RBPMS: variants seen among roughly 807,000 people sequenced by gnomAD.
RBPMS encodes the protein RNA-binding protein with multiple splicing.
In RBPMS, 7 loss-of-function variants were observed where a neutral mutation model predicts 26.8. The ratio of observed to expected loss-of-function variants is 0.26; its 90% confidence interval spans 0.15 to 0.49. RBPMS has a LOEUF of 0.49. Ranked by LOEUF, RBPMS falls within the 20% of genes least tolerant of loss-of-function variation. RBPMS has a pLI of 0.98. For synonymous variants in RBPMS, 96 were observed against 93.3 expected (o/e 1.03, Z -0.17); for missense variants, 186 against 250.0 (o/e 0.74, Z 1.73).
chr8:30,420,942 G>A (rs1022856739), intron 1 of RBPMS, among the ~76,000 whole-genome samples: 5 of 152,174 alleles, frequency 3.3e-5, no homozygotes, highest in Non-Finnish European at 7.3e-5. Context: ...TCAATTGACA[G>A]GCTAGTTAGT....
chr8:30,432,406 G>A (rs1259399685), intron 1 of RBPMS, among the ~76,000 whole-genome samples: 1 of 152,130 alleles, frequency 6.6e-6, no homozygotes, highest in Non-Finnish European at 1.5e-5. Context: ...TTGTGATCTG[G>A]TGCTGACACA....
chr8:30,490,387 C>T lies in RBPMS; in HGVS notation c.246+11010C>T, dbSNP rs558828370. 1.3e-3 allele frequency among the ~76,000 whole-genome samples: 201 copies of T among 152,308 alleles called. 2 individuals are homozygous for T. The highest frequency in any genetic ancestry group is 0.012 in the South Asian group (59 of 4,812). On this transcript the variant is annotated intron_variant, in intron 4 of 8. Transcript: ENST00000397323. ...TCTAATTGAATCTCTGTTTCGAAGA[C>T]CCAACATCCATTGATTATAATGTTT... is the stretch of plus-strand genomic sequence containing the variant.
At chr8:30,531,341 C>T (rs2979509) in intron 5 of RBPMS, among the ~76,000 whole-genome samples, 152,038 of 152,296 alleles carry the variant, frequency 1, 75,890 homozygotes, top group Non-Finnish European at 1. Context: ...CATGCCAGAG[C>T]CAACCAGCCT....
At chr8:30,518,637 A>G (rs1170333503) in intron 5 of RBPMS, among the ~76,000 whole-genome samples, 2 of 131,646 alleles carry the variant, frequency 1.5e-5, no homozygotes, top group African/African-American at 5.7e-5. Flanking sequence ...CATGTTGGCC[A>G]GGCTGGTCTT....
At chr8:30,537,116 ATAG>A (rs1487004151) in intron 5 of RBPMS, among the ~76,000 whole-genome samples, 1 of 152,184 alleles carries the variant, frequency 6.6e-6, no homozygotes, top group Non-Finnish European at 1.5e-5. Context: ...AGAGTAGGTA[ATAG>A]TAGTGGCTTA....
intron 1 of RBPMS, among the ~76,000 whole-genome samples, chr8:30,447,153 A>C (rs971260868): frequency 2.6e-5 from 4 of 152,168 alleles, no homozygotes; most frequent in Admixed American, 2.6e-4. Flanking sequence ...TGAGTATCCA[A>C]AATAATGCTC....
intron 4 of RBPMS, among the ~76,000 whole-genome samples, chr8:30,499,145 C>T (rs559783792): frequency 5.9e-5 from 9 of 152,150 alleles, no homozygotes; most frequent in African/African-American, 1.9e-4. Flanking sequence ...GCAATGAAGG[C>T]AATCCCAGCT....
At chr8:30,531,894 T>C (rs901211956) in intron 5 of RBPMS, among the ~76,000 whole-genome samples, 37 of 152,190 alleles carry the variant, frequency 2.4e-4, no homozygotes, top group African/African-American at 8.2e-4. Context: ...GGCAGGTTCA[T>C]TGCAGCCGGT....
At chr8:30,433,992 T>A (rs1812189929) in intron 1 of RBPMS, among the ~76,000 whole-genome samples, 1 of 152,142 alleles carries the variant, frequency 6.6e-6, no homozygotes, top group South Asian at 2.1e-4. Flanking sequence ...TACATTTCAT[T>A]TGTAGTTTAA....
At chr8:30,412,128 T>C (rs367718136) in intron 1 of RBPMS, among the ~76,000 whole-genome samples, 4 of 152,248 alleles carry the variant, frequency 2.6e-5, no homozygotes, top group African/African-American at 4.8e-5. Context: ...TAGGAAGGGC[T>C]GCCAGCTCCT....
At chr8:30,423,463 C>A (rs1811020012) in intron 1 of RBPMS, among the ~76,000 whole-genome samples, 1 of 152,154 alleles carries the variant, frequency 6.6e-6, no homozygotes, top group African/African-American at 2.4e-5. Flanking sequence ...CTGGCAAATC[C>A]TGAGTTAGGC....
intron 4 of RBPMS, among the ~76,000 whole-genome samples, chr8:30,482,220 T>C (rs1006756747): frequency 9.9e-5 from 15 of 152,258 alleles, no homozygotes; most frequent in Admixed American, 5.2e-4. Flanking sequence ...AAACATATGA[T>C]GCTTGTAGCC....
intron 1 of RBPMS, among the ~76,000 whole-genome samples, chr8:30,431,750 C>T (rs945691718): frequency 1.3e-5 from 2 of 152,112 alleles, no homozygotes; most frequent in South Asian, 4.2e-4. Flanking sequence ...CCGCGCCCAG[C>T]CCTCTCTTTC....
At chr8:30,422,053 G>A (rs1381713065) in intron 1 of RBPMS, among the ~76,000 whole-genome samples, 1 of 151,946 alleles carries the variant, frequency 6.6e-6, no homozygotes, top group African/African-American at 2.4e-5. Flanking sequence ...AAAAGCAGTA[G>A]GGGGCTGGGA....
chr8:30,429,856 G>A (rs1197594182), intron 1 of RBPMS, among the ~76,000 whole-genome samples: 1 of 152,188 alleles, frequency 6.6e-6, no homozygotes, highest in Non-Finnish European at 1.5e-5. Context: ...GAGGGAGAAT[G>A]TTTTAGAAGA....
At chr8:30,560,362 A>C (rs1030432586) in intron 7 of RBPMS, among the ~76,000 whole-genome samples, 12 of 152,170 alleles carry the variant, frequency 7.9e-5, no homozygotes, top group African/African-American at 2.9e-4. Context: ...AGCAGACAGT[A>C]GAGAGATGAG....
At chr8:30,536,525 C>T (rs528594258) in intron 5 of RBPMS, among the ~76,000 whole-genome samples, 1 of 152,320 alleles carries the variant, frequency 6.6e-6, no homozygotes, top group Admixed American at 6.5e-5. Context: ...TCATAACCAT[C>T]CTTCTCCCTT....
At chr8:30,413,860 C>T (rs1325807352) in intron 1 of RBPMS, among the ~76,000 whole-genome samples, 1 of 152,118 alleles carries the variant, frequency 6.6e-6, no homozygotes, top group African/African-American at 2.4e-5. Context: ...ATCTGCCTGC[C>T]TCAGCCTCTC....
chr8:30,475,620 T>G (rs931742113), intron 2 of RBPMS, among the ~76,000 whole-genome samples: 3 of 152,164 alleles, frequency 2.0e-5, no homozygotes, highest in Non-Finnish European at 4.4e-5. Context: ...TGGTTAAAGA[T>G]CATTCTCACT....
Sources: allele counts gnomAD v4.1 joint callset (sites outside exome capture counted in the v4.1 genomes callset), GRCh38; gene constraint gnomAD v4.1.1; transcripts MANE v1.5; gene names NCBI Gene and HGNC (gene_info 2026-07-23, HGNC 2026-07-21).